The following PSPC1 variants were observed in gnomAD, a reference collection of about 807,000 sequenced individuals.
The protein encoded by PSPC1 is paraspeckle protein 1.
Under a neutral mutation model 51.6 loss-of-function variants are expected in PSPC1, and 14 were observed. The observed-to-expected ratio is 0.27, with a 90% confidence interval of 0.18 to 0.42. The LOEUF (loss-of-function observed/expected upper bound fraction) is 0.42. PSPC1 is among the 10% of genes least tolerant of loss of function. The pLI, the probability that PSPC1 is intolerant of heterozygous loss-of-function variation, is 1.00. For synonymous variants in PSPC1, 193 were observed against 231.9 expected, an observed-to-expected ratio of 0.83 and a Z score of 1.53; for missense variants, 406 against 701.1, an observed-to-expected ratio of 0.58 and a Z score of 4.75.
intron 5 of PSPC1, among the ~76,000 whole-genome samples, chr13:19,740,883 T>TC (rs1436312333): frequency 2.6e-5 from 4 of 152,030 alleles, no homozygotes; most frequent in Non-Finnish European, 5.9e-5. Flanking sequence ...GAAATCTTTT[T>TC]TTTTTTTTTG....
At chr13:19,777,429 CAAAA>C (rs397938970) in intron 1 of PSPC1, among the ~76,000 whole-genome samples, 3 of 47,904 alleles carry the variant, frequency 6.3e-5, no homozygotes, top group Non-Finnish European at 8.5e-5. Context: ...GACCTCAGCT[CAAAA>C]AAAAAAAAAA....
At chr13:19,731,295 T>C (rs1214381372) in intron 5 of PSPC1, among the ~76,000 whole-genome samples, 1 of 152,242 alleles carries the variant, frequency 6.6e-6, no homozygotes, top group East Asian at 1.9e-4. Flanking sequence ...ACTCACATTA[T>C]ATTGGCATTT....
chr13:19,734,889 A>G (rs367578702), intron 5 of PSPC1, among the ~76,000 whole-genome samples: 14 of 152,112 alleles, frequency 9.2e-5, no homozygotes, highest in African/African-American at 3.4e-4. Flanking sequence ...GAGGCAGGAG[A>G]ATCACTTGAA....
downstream of PSPC1, among the ~76,000 whole-genome samples, chr13:19,702,337 C>T (rs1418135351): frequency 1.3e-5 from 2 of 152,144 alleles, no homozygotes; most frequent in African/African-American, 4.8e-5. Context: ...ATCCTCACTT[C>T]ACAGCCAACC....
intron 6 of PSPC1, among the ~76,000 whole-genome samples, chr13:19,695,863 T>C (rs1245046456): frequency 1.3e-5 from 2 of 151,898 alleles, no homozygotes; most frequent in African/African-American, 4.8e-5. Context: ...CAGGAAAAAC[T>C]GTGAAAAAGT....
intron 6 of PSPC1, among the ~76,000 whole-genome samples, chr13:19,713,545 CAA>C (rs61024238): frequency 1.4e-4 from 12 of 87,208 alleles, no homozygotes; most frequent in Admixed American, 3.4e-4. Context: ...CCCAGACAGC[CAA>C]AAAAAAAAAA....
At chr13:19,776,643 G>C (rs950348668) in intron 1 of PSPC1, among the ~76,000 whole-genome samples, 1 of 151,780 alleles carries the variant, frequency 6.6e-6, no homozygotes, top group Admixed American at 6.6e-5. Flanking sequence ...GGGTAGCTGG[G>C]ACTACAGGTG....
At chr13:19,760,697 T>A (rs946586773) in intron 2 of PSPC1, among the ~76,000 whole-genome samples, 14 of 151,574 alleles carry the variant, frequency 9.2e-5, no homozygotes, top group African/African-American at 3.4e-4. Context: ...CTATAAAAAA[T>A]TTTAAAATTA....
Position 19,680,264 on chromosome 13 carries a change from C to G in PSPC1, c.1159-2441G>C, listed in dbSNP as rs551000431. 1.8e-4 allele frequency among the ~76,000 whole-genome samples: 28 copies of G among 152,326 alleles called. 2 individuals are homozygous for G. The South Asian group carries it at 5.8e-3, about 32-fold the overall frequency. Reference sequence around the variant, plus strand: ...TCCTGACCCCAGGTGATCCACCAGCCTCAGCCTCCCAAAGTGCTGGGATTA... The same window carrying G: ...TCCTGACCCCAGGTGATCCACCAGCGTCAGCCTCCCAAAGTGCTGGGATTA... On this transcript the variant is annotated intron_variant and NMD_transcript_variant, in intron 6 of 7. Coordinates refer to the PSPC1 transcript ENST00000471658.
intron 4 of PSPC1, among the ~76,000 whole-genome samples, chr13:19,749,543 AT>A (rs1311809042): frequency 2.0e-5 from 3 of 151,328 alleles, no homozygotes; most frequent in African/African-American, 4.9e-5. Flanking sequence ...AAAAAAAAAA[AT>A]CTCTCTTCCA....
intron 6 of PSPC1, among the ~76,000 whole-genome samples, chr13:19,681,679 A>G (rs1661631111): frequency 6.6e-6 from 1 of 152,190 alleles, no homozygotes; most frequent in African/African-American, 2.4e-5. Flanking sequence ...GGAGAAAGGT[A>G]TGCTCTGAAG....
rs185526559 is a variant in PSPC1 at position 19,777,287 on chromosome 13, G to A, written c.373-4744C>T. Among the ~76,000 whole-genome samples, 1,036 of 150,606 alleles carry A rather than the reference G, an allele frequency of 6.9e-3. 7 individuals carry two copies. The highest frequency in any genetic ancestry group is 0.024 in the African/African-American group (979 of 41,020). On this transcript the variant is annotated intron_variant, in intron 1 of 8. Transcript: ENST00000338910. The stretch of plus-strand genomic sequence containing the variant: ...TCTACTAAAAATACAAAAATTAGCC[G>A]GGCATGAAGGCGGGCGCCTGTAATT...
rs1052201513 is a variant in PSPC1, at chr13:19,733,765, A to G, written c.1053-3421T>C. On this transcript the variant is annotated intron_variant, in intron 5 of 8. Coordinates refer to ENST00000338910, the MANE Select transcript of PSPC1 (RefSeq NM_001354909.2). ...GTGACAGAGCAAGGCTCCATTTCAA[A>G]AACAAGAAAAAAGAAAAAAAAATAT... Among the ~76,000 whole-genome samples, 74 of 30,858 alleles carry G rather than the reference A, an allele frequency of 2.4e-3. 1 individual carries two copies. Among genetic ancestry groups the G allele is most frequent in the African/African-American group, 5.3e-3 (65 of 12,252 alleles). The allele number at this position is 30,858 out of a possible 152,430, so 20.2% of individuals were successfully genotyped here.
In PSPC1 at chr13:19,771,305, T is replaced by C. The variant is rs190861901; in HGVS notation, c.674+937A>G. The stretch of plus-strand genomic sequence containing the variant: ...GGCACGCAGCACCAAGCCCGGCTAA[T>C]TCCTCATATTTTTAGTAGAGACAGG... On this transcript the variant is annotated intron_variant, in intron 2 of 8. Transcript: ENST00000338910. 5.1e-4 allele frequency among the ~76,000 whole-genome samples: 77 copies of C among 152,054 alleles called. 2 individuals carry two copies. In the East Asian group the frequency reaches 9.8e-3, roughly 19 times the overall value.
chr13:19,700,523 A>T (rs1005908171), downstream of PSPC1, among the ~76,000 whole-genome samples: 1 of 152,104 alleles, frequency 6.6e-6, no homozygotes, highest in African/African-American at 2.4e-5. Context: ...TCAGTTTTTT[A>T]AAATCTGCAT....
At chr13:19,727,212 G>C (rs1018527656) in intron 6 of PSPC1, among the ~76,000 whole-genome samples, 5 of 152,102 alleles carry the variant, frequency 3.3e-5, no homozygotes, top group Non-Finnish European at 5.9e-5. Context: ...TGGCCAACAT[G>C]GTGAAACCCC....
chr13:19,782,490 G>A lies in PSPC1; in HGVS notation c.268C>T (p.Pro90Ser). The A allele has an allele frequency of 6.2e-7, 1 of 1,613,258 alleles. No homozygotes were observed. Among genetic ancestry groups the A allele is most frequent in the Non-Finnish European group, 8.5e-7 (1 of 1,179,636 alleles). The change falls in exon 1 of 9, where the codon CCC (proline) becomes TCC (serine). Residue 90 changes from proline to serine, a missense_variant. Pro to Ser is a moderately conservative substitution (Grantham distance 74). Coordinates refer to ENST00000338910, the MANE Select transcript of PSPC1 (RefSeq NM_001354909.2). This position sits in a 1 kb window ranked among gnomAD's most constrained non-coding sequence, Gnocchi z 4.5. Reference sequence around the variant, plus strand: ...AAGTCCTCCTCCGTGATGTCGGTGGGCAGATTTCCCACGAAGAGGCGGCAG... The same window carrying A: ...AAGTCCTCCTCCGTGATGTCGGTGGACAGATTTCCCACGAAGAGGCGGCAG... ...QRCRLFVGNL[P>S]TDITEEDFKR...
rs752518542 is a variant in PSPC1, at chr13:19,741,698, T to C, written c.968-49A>G. 4.9e-6 allele frequency: 6 copies of C among 1,227,256 alleles called. No individual in the cohort carries two copies. In the East Asian group the frequency reaches 7.1e-5, roughly 14 times the overall value. The allele number at this position is 1,227,256 out of a possible 1,614,324, so 76.0% of individuals were successfully genotyped here. A position where few individuals can be genotyped will look rare whatever the true frequency, so the allele number is the denominator to read the frequency against. The stretch of plus-strand genomic sequence containing the variant: ...AATATTTTTAGTTTCCCTTTCCATA[T>C]TTTTATACCAATAAGCATAGAAGTT... On this transcript the variant is annotated intron_variant, in intron 4 of 8. Coordinates refer to ENST00000338910, the MANE Select transcript of PSPC1 (RefSeq NM_001354909.2).
intron 6 of PSPC1, among the ~76,000 whole-genome samples, chr13:19,681,021 C>T (rs1877210125): frequency 6.6e-6 from 1 of 152,052 alleles, no homozygotes; most frequent in African/African-American, 2.4e-5. Flanking sequence ...AGTTTGAGAC[C>T]AGCGTGGGCA....
Sources: allele counts gnomAD v4.1 joint callset (sites outside exome capture counted in the v4.1 genomes callset), GRCh38; gene constraint gnomAD v4.1.1; non-coding constraint Gnocchi (gnomAD v3.1); transcripts MANE v1.5; gene names NCBI Gene and HGNC (gene_info 2026-07-23, HGNC 2026-07-21).